The following CEP41 variants were observed in gnomAD, a reference collection of about 807,000 sequenced individuals.
CEP41 encodes centrosomal protein of 41 kDa.
In CEP41, 32 loss-of-function variants were observed where a neutral mutation model predicts 44.3. The ratio of observed to expected loss-of-function variants is 0.72; its 90% CI spans 0.54 to 0.97. The LOEUF (loss-of-function observed/expected upper bound fraction) is 0.97. Among genes scored for constraint, CEP41 ranks in the 50% least tolerant of loss-of-function variants. The pLI, the probability that CEP41 is intolerant of heterozygous loss-of-function variation, is 0.00. For synonymous variants in CEP41, 151 were observed against 168.5 expected (o/e 0.90, Z 0.80); for missense variants, 432 against 455.2 (o/e 0.95, Z 0.46).
At chr7:130,440,387 G>A (rs1233780001) in intron 1 of CEP41, 3 of 203,566 alleles carry the variant, frequency 1.5e-5, no homozygotes, top group African/African-American at 7.1e-5. Context: ...CTGCACCGTG[G>A]AAGTTTCCAA....
rs1796730801 is a variant in CEP41, at chr7:130,398,273, C to G, written c.*618G>C. The G allele has an allele frequency of 2.2e-6, 1 of 453,968 alleles. No homozygotes were observed. The highest frequency in any genetic ancestry group is 1.6e-5 in the South Asian group (1 of 64,468). 28.1% of individuals were successfully genotyped at this position (453,968 alleles called of 1,614,324 possible). ...ATTCAGTGAGTGTACAGCTACTTTC[C>G]TCATCTTCAATTTCAGTGAGTACAC... is the stretch of plus-strand genomic sequence containing the variant. On this transcript the variant is annotated 3_prime_UTR_variant, in exon 11 of 11. Transcript: ENST00000223208.
intron 10 of CEP41, 50 bp from the exon 11 acceptor site, chr7:130,399,089 A>G (rs782023187): frequency 1.1e-5 from 17 of 1,605,274 alleles, no homozygotes; most frequent in Non-Finnish European, 1.4e-5. Context: ...GATTCCAGGG[A>G]CAATCTGCCA....
intron 2 of CEP41, among the ~76,000 whole-genome samples, chr7:130,427,261 C>T (rs1316519523): frequency 6.6e-6 from 1 of 152,060 alleles, no homozygotes; most frequent in East Asian, 1.9e-4. Context: ...CCACAGCAGG[C>T]TTTAAAAGGT....
In CEP41 at chr7:130,428,910, C is replaced by CAAAA. The variant is rs555010636; in HGVS notation, c.34-896_34-893dup. Among the ~76,000 whole-genome samples the CAAAA allele has an allele frequency of 4.2e-3, 619 of 146,528 alleles. 6 individuals are homozygous for CAAAA. Among genetic ancestry groups the CAAAA allele is most frequent in the African/African-American group, 0.014 (560 of 39,566 alleles). On this transcript the variant is annotated intron_variant, in intron 1 of 10. Coordinates refer to ENST00000223208, the MANE Select transcript of CEP41 (RefSeq NM_018718.3). ...TGGGTGACAGAGTGAGACTCTGTCTCAAAAAAATAAATAAATAAATAAATA... is the reference window on the plus strand; with the variant it reads ...TGGGTGACAGAGTGAGACTCTGTCTCAAAAAAAAAAATAAATAAATAAATAAATA...
At position 130,428,020 on chromosome 7, in the gene CEP41, T is replaced by C. The variant is rs1797714974; in HGVS notation, c.34-2A>G. The C allele has an allele frequency of 6.3e-7, 1 of 1,586,952 alleles. No homozygotes were observed. The highest frequency in any genetic ancestry group is 1.1e-5 in the South Asian group (1 of 90,522). On this transcript the variant is annotated splice_acceptor_variant, in intron 1 of 10. Transcript: ENST00000223208. LOFTEE classifies it high-confidence loss of function. The stretch of plus-strand genomic sequence containing the variant: ...CTGTGGTATCCTTTTCATCAGATAC[T>C]AAAAAATAAGGAAATTCACAATTAA...
At chr7:130,440,256 T>A (rs1485971704) in intron 1 of CEP41, among the ~76,000 whole-genome samples, 4 of 152,136 alleles carry the variant, frequency 2.6e-5, no homozygotes, top group Non-Finnish European at 5.9e-5. Context: ...TCTGACTTCG[T>A]GATCCGCCCG....
intron 2 of CEP41, chr7:130,421,744 G>T: frequency 1.7e-6 from 2 of 1,203,502 alleles, no homozygotes; most frequent in Non-Finnish European, 2.1e-6. Flanking sequence ...TTGGAAATTA[G>T]ATTGAATATA....
chr7:130,423,462 C>A (rs1797569116), intron 2 of CEP41, among the ~76,000 whole-genome samples: 1 of 152,112 alleles, frequency 6.6e-6, no homozygotes. Flanking sequence ...AAACGATGAA[C>A]AATAACAAGC....
Position 130,404,602 on chromosome 7 carries a change from G to A in CEP41, c.384C>T (p.Asn128=), listed in dbSNP as rs374535389. 1.1e-5 allele frequency: 17 copies of A among 1,613,740 alleles called. No homozygotes were observed. The highest frequency in any genetic ancestry group is 5.5e-5 in the South Asian group (5 of 91,076). The change falls in exon 6 of 11, where the codon AAC becomes AAT. Residue 128 remains asparagine, a synonymous_variant. Coordinates refer to ENST00000223208, the MANE Select transcript of CEP41 (RefSeq NM_018718.3). ...AGCGGCTGGAGTCCCCTGCTCCTGCGTTGTTTATGAACTGCTCAGGGCTCG... is the reference window on the plus strand; with the variant it reads ...AGCGGCTGGAGTCCCCTGCTCCTGCATTGTTTATGAACTGCTCAGGGCTCG... The part of the protein sequence containing the change: ...QSPSPEQFIN[N]AGAGDSSRST...
intron 3 of CEP41, among the ~76,000 whole-genome samples, chr7:130,416,386 A>G (rs573251014): frequency 3.9e-5 from 6 of 152,348 alleles, no homozygotes; most frequent in South Asian, 2.1e-4. Context: ...ATATCTTTGC[A>G]GATAAGTTTT....
At chr7:130,435,702 T>C (rs1386622828) in intron 1 of CEP41, among the ~76,000 whole-genome samples, 1 of 152,186 alleles carries the variant, frequency 6.6e-6, no homozygotes, top group Non-Finnish European at 1.5e-5. Context: ...ACTAAACATA[T>C]GTTTACCATA....
intron 2 of CEP41, among the ~76,000 whole-genome samples, chr7:130,422,207 T>C (rs1797530083): frequency 6.6e-6 from 1 of 152,176 alleles, no homozygotes; most frequent in Non-Finnish European, 1.5e-5. Context: ...ATCACGAAAT[T>C]CTTGATTTCT....
chr7:130,434,249 T>A (rs931869937), intron 1 of CEP41, among the ~76,000 whole-genome samples: 8 of 152,228 alleles, frequency 5.3e-5, no homozygotes, highest in Admixed American at 2.6e-4. Context: ...TTACCTACAT[T>A]ATCTCATTCC....
At chr7:130,413,059 T>G (rs1291464641) in intron 3 of CEP41, among the ~76,000 whole-genome samples, 6 of 151,974 alleles carry the variant, frequency 3.9e-5, no homozygotes, top group Admixed American at 3.9e-4. Context: ...TGGTGTGATC[T>G]CGGCTCTCTG....
intron 5 of CEP41, among the ~76,000 whole-genome samples, chr7:130,408,373 T>A (rs1210664862): frequency 1.3e-5 from 2 of 152,170 alleles, no homozygotes; most frequent in African/African-American, 4.8e-5. Flanking sequence ...TCATAATTAT[T>A]CAGAACTCTC....
intron 5 of CEP41, 47 bp from the exon 6 acceptor site, chr7:130,404,755 G>C (rs1754030484): frequency 7.1e-7 from 1 of 1,400,878 alleles, no homozygotes; most frequent in African/African-American, 1.4e-5. Context: ...CTCAGGATTT[G>C]TATTTACTTA....
At chr7:130,399,219 G>T in intron 10 of CEP41, 180 bp from the exon 11 acceptor site, 1 of 701,810 alleles carries the variant, frequency 1.4e-6, no homozygotes, top group Non-Finnish European at 2.4e-6. Context: ...TCAGCCTGAA[G>T]GTGGGGAGGG....
intron 2 of CEP41, chr7:130,419,998 T>C (rs1797454489): frequency 1.0e-6 from 1 of 985,128 alleles, no homozygotes; most frequent in African/African-American, 1.7e-5. Context: ...ATCCCTTCCA[T>C]TGTCTAGCAT....
intron 6 of CEP41, among the ~76,000 whole-genome samples, chr7:130,403,427 A>G (rs1796915834): frequency 6.6e-6 from 1 of 152,194 alleles, no homozygotes; most frequent in Admixed American, 6.5e-5. Flanking sequence ...GAAGCTAACC[A>G]CTACCACTAA....
Sources: gnomAD v4.1 joint callset for allele counts (sites outside exome capture counted in the v4.1 genomes callset) on GRCh38, gnomAD v4.1.1 for gene constraint, MANE v1.5 for transcripts, NCBI Gene and HGNC (gene_info 2026-07-23, HGNC 2026-07-21) for gene names.